Variants in ANKRD36B observed in about 807,000 individuals in gnomAD.
ANKRD36B encodes ankyrin repeat domain-containing protein 36B.
A neutral mutation model predicts 135.7 loss-of-function variants in ANKRD36B; 37 were observed. That is an observed-to-expected ratio of 0.27 (90% CI 0.21 to 0.36). The LOEUF (loss-of-function observed/expected upper bound fraction) is 0.36, where lower values mean the gene tolerates loss of function less well. ANKRD36B is among the 10% of genes least tolerant of loss of function. ANKRD36B has a pLI of 1.00. For missense variants in ANKRD36B, 549 were observed against 1,037.1 expected (o/e 0.53, Z 6.46); for synonymous variants, 179 against 348.1 (o/e 0.51, Z 5.41).
intron 6 of ANKRD36B, among the ~76,000 whole-genome samples, chr2:97,568,929 C>T (rs951733359): frequency 7.2e-5 from 11 of 152,062 alleles, no homozygotes; most frequent in Admixed American, 3.9e-4. Context: ...TCAAAGTGAT[C>T]GCTCAAAGAA....
intron 3 of ANKRD36B, among the ~76,000 whole-genome samples, chr2:97,584,504 A>G (rs2082838762): frequency 6.6e-6 from 1 of 152,036 alleles, no homozygotes; most frequent in Non-Finnish European, 1.5e-5. Flanking sequence ...ACCTTCACAT[A>G]CAACACTTGT....
chr2:97,502,299 G>A (rs1282615110), intron 43 of ANKRD36B, among the ~76,000 whole-genome samples: 1 of 95,974 alleles, frequency 1.0e-5, no homozygotes, highest in African/African-American at 2.8e-5. Context: ...ACCTAAAATA[G>A]ACAAAATAAT....
intron 24 of ANKRD36B, 116 bp downstream of exon 24, chr2:97,545,550 C>A: frequency 1.7e-6 from 1 of 598,740 alleles, no homozygotes; most frequent in Non-Finnish European, 2.9e-6. Flanking sequence ...TGAATAATCT[C>A]AGGAATACTA....
chr2:97,563,305 A>G (rs1359901309), intron 6 of ANKRD36B, among the ~76,000 whole-genome samples: 1 of 151,932 alleles, frequency 6.6e-6, no homozygotes, highest in Non-Finnish European at 1.5e-5. Flanking sequence ...TATAAAAAAG[A>G]CAAGCTGAGA....
Position 97,537,262 on chromosome 2 carries a change from T to C in ANKRD36B, c.2090-766A>G, listed in dbSNP as rs2104505592. Among the ~76,000 whole-genome samples, 2 of 96,740 alleles carry C rather than the reference T, an allele frequency of 2.1e-5. 1 individual carries two copies. The highest frequency in any genetic ancestry group is 4.7e-4 in the South Asian group (2 of 4,286). The allele number at this position is 96,740 out of a possible 152,430, so 63.5% of individuals were successfully genotyped here. ...ATTAATAAACTTACACATTTGGAAA[T>C]CAGTCCAATATTCATTGAAAATAAT... On this transcript the variant is annotated intron_variant, in intron 32 of 43. Transcript: ENST00000359901.
intron 38 of ANKRD36B, 71 bp downstream of exon 38, chr2:97,513,109 T>G: frequency 6.9e-7 from 1 of 1,450,262 alleles, no homozygotes. Flanking sequence ...TAATATATGT[T>G]AAATGAAAGA....
chr2:97,574,152 TA>T (rs1447741267), intron 6 of ANKRD36B, among the ~76,000 whole-genome samples: 3 of 152,106 alleles, frequency 2.0e-5, no homozygotes, highest in Non-Finnish European at 4.4e-5. Flanking sequence ...GACAAAGGGC[TA>T]ATATCCAGAA....
chr2:97,588,287 G>A (rs1342473719), intron 1 of ANKRD36B, among the ~76,000 whole-genome samples: 1 of 151,940 alleles, frequency 6.6e-6, no homozygotes, highest in Admixed American at 6.5e-5. Context: ...CTACTAATAT[G>A]AAATGTCACC....
At chr2:97,551,094 T>C (rs530776180) in intron 18 of ANKRD36B, among the ~76,000 whole-genome samples, 195 bp downstream of exon 18, 22 of 151,928 alleles carry the variant, frequency 1.4e-4, no homozygotes, top group African/African-American at 5.1e-4. Context: ...AATGTGGGGA[T>C]GTGTATAATC....
At position 97,573,763 on chromosome 2, in the gene ANKRD36B, A is replaced by C. The variant is rs953798728; in HGVS notation, c.763+2616T>G. Among the ~76,000 whole-genome samples, 207 of 152,272 alleles carry C rather than the reference A, an allele frequency of 1.4e-3. 1 individual carries two copies. Among genetic ancestry groups the C allele is most frequent in the African/African-American group, 4.8e-3 (198 of 41,540 alleles). ...GTCTACAACTATCGATCTTTGACAA[A>C]CCTGAGAAAAACAAGCAATGGGGAA... On this transcript the variant is annotated intron_variant, in intron 6 of 43. Transcript: ENST00000359901.
intron 6 of ANKRD36B, among the ~76,000 whole-genome samples, chr2:97,574,538 G>T (rs2082102417): frequency 6.6e-6 from 1 of 152,108 alleles, no homozygotes; most frequent in Non-Finnish European, 1.5e-5. Context: ...CCCGTTACTG[G>T]GTATACACCC....
intron 1 of ANKRD36B, among the ~76,000 whole-genome samples, chr2:97,587,499 G>A (rs1204737584): frequency 6.6e-6 from 1 of 152,056 alleles, no homozygotes; most frequent in African/African-American, 2.4e-5. Context: ...ACTGACATCT[G>A]CAAAGGTCCC....
chr2:97,556,391 G>A (rs2595334), intron 12 of ANKRD36B, among the ~76,000 whole-genome samples: 1 of 151,774 alleles, frequency 6.6e-6, no homozygotes, highest in African/African-American at 2.4e-5. Flanking sequence ...ATGCATCTGA[G>A]GTGAGTTCAC....
At chr2:97,558,747 G>A in intron 10 of ANKRD36B, 52 bp downstream of exon 10, 32 of 1,606,038 alleles carry the variant, frequency 2.0e-5, no homozygotes, top group Non-Finnish European at 2.7e-5. Flanking sequence ...GGGAAGAGAA[G>A]TACTTTTCTA....
chr2:97,573,101 C>T (rs988458401), intron 6 of ANKRD36B, among the ~76,000 whole-genome samples: 1 of 151,858 alleles, frequency 6.6e-6, no homozygotes, highest in Non-Finnish European at 1.5e-5. Context: ...GGGTGATGTT[C>T]CCCTTCCTGT....
At chr2:97,557,183 C>T (rs2080609051) in intron 10 of ANKRD36B, 51 bp from the exon 11 acceptor site, 9 of 1,493,896 alleles carry the variant, frequency 6.0e-6, no homozygotes, top group South Asian at 1.3e-5. Context: ...ATGACAAAGT[C>T]GTCCATACAT....
intron 16 of ANKRD36B, among the ~76,000 whole-genome samples, chr2:97,552,033 C>G (rs1388725482): frequency 6.6e-6 from 1 of 151,914 alleles, no homozygotes; most frequent in Non-Finnish European, 1.5e-5. Context: ...TTGCTGATAC[C>G]TAGTAGATAA....
At chr2:97,560,776 T>A (rs767711502) in intron 7 of ANKRD36B, 39 bp from the exon 8 acceptor site, 5 of 1,593,282 alleles carry the variant, frequency 3.1e-6, no homozygotes, top group African/African-American at 1.3e-5. Context: ...ATATGTAAAG[T>A]AGGTTTCATA....
chr2:97,527,573 A>G lies in ANKRD36B; in HGVS notation c.2266-4106T>C, dbSNP rs528889864. On this transcript the variant is annotated intron_variant, in intron 35 of 43. Transcript: ENST00000359901. ...ATAACAATATTAACTTTAAATGTAA[A>G]TGGACTAAATGCTCCAATTAAAAGA... Among the ~76,000 whole-genome samples, 4 of 94,842 alleles carry G rather than the reference A, an allele frequency of 4.2e-5. 1 individual carries two copies. In the East Asian group the frequency reaches 1.0e-3, roughly 24 times the overall value. 62.2% of individuals were successfully genotyped at this position (94,842 alleles called of 152,430 possible).
Sources: allele counts gnomAD v4.1 joint callset (sites outside exome capture counted in the v4.1 genomes callset), GRCh38; gene constraint gnomAD v4.1.1; transcripts MANE v1.5; gene names NCBI Gene and HGNC (gene_info 2026-07-23, HGNC 2026-07-21).